The following TRIM2 variants were observed in gnomAD, a reference collection of about 807,000 sequenced individuals.
TRIM2 encodes tripartite motif-containing protein 2.
Under a neutral mutation model 75.2 loss-of-function variants are expected in TRIM2, and 20 were observed. The observed-to-expected ratio is 0.27, with a 90% confidence interval of 0.19 to 0.39. The LOEUF is 0.39. Ranked by LOEUF, TRIM2 falls within the 10% of genes least tolerant of loss-of-function variation. The pLI is 1.00. For synonymous variants in TRIM2, 373 were observed against 388.3 expected (o/e 0.96, Z 0.46); for missense variants, 660 against 990.8 (o/e 0.67, Z 4.48).
intron 2 of TRIM2, among the ~76,000 whole-genome samples, chr4:153,272,966 G>C (rs1188640371): frequency 1.3e-5 from 2 of 152,140 alleles, no homozygotes; most frequent in East Asian, 3.9e-4. Flanking sequence ...AGCCTCCCGA[G>C]TAGCTGGGAC....
chr4:153,164,655 C>G (rs1730105674), intron 1 of TRIM2, among the ~76,000 whole-genome samples: 1 of 152,192 alleles, frequency 6.6e-6, no homozygotes, highest in South Asian at 2.1e-4. Flanking sequence ...TCTCCCATAT[C>G]CTTCCTGAAA....
intron 1 of TRIM2, among the ~76,000 whole-genome samples, chr4:153,170,013 C>T (rs573976184): frequency 1.3e-5 from 2 of 152,150 alleles, no homozygotes; most frequent in East Asian, 3.8e-4. Flanking sequence ...GTATTCATGG[C>T]GCCTGCAGCT....
chr4:153,189,064 T>C (rs1732914118), intron 1 of TRIM2, among the ~76,000 whole-genome samples: 1 of 151,846 alleles, frequency 6.6e-6, no homozygotes, highest in South Asian at 2.1e-4. Flanking sequence ...TTGTCCAGAC[T>C]GTTCTCGAAC....
chr4:153,244,349 T>TTCTTCC (rs1560874188), intron 1 of TRIM2, among the ~76,000 whole-genome samples: 3 of 30,476 alleles, frequency 9.8e-5, no homozygotes, highest in Non-Finnish European at 1.6e-4. Context: ...CTTCTTCTTC[T>TTCTTCC]TCTTCCTCTT....
intron 1 of TRIM2, among the ~76,000 whole-genome samples, chr4:153,218,532 G>A (rs1391185696): frequency 6.6e-6 from 1 of 152,076 alleles, no homozygotes; most frequent in African/African-American, 2.4e-5. Flanking sequence ...ATACTTTTAT[G>A]GGTTTTCCAA....
rs1772648808 is a variant in TRIM2, at chr4:153,337,999, A to C, written c.*3033A>C. On this transcript the variant is annotated 3_prime_UTR_variant, in exon 12 of 12. Coordinates refer to ENST00000338700, the MANE Select transcript of TRIM2 (RefSeq NM_015271.5). ...TTTATGACTGTTTGCCATTTTTTTT[A>C]ATGGTACTTAGTATTTTGATCAAAC... 1.0e-6 allele frequency: 1 copy of C among 985,678 alleles called. No individual in the cohort carries two copies. The highest frequency in any genetic ancestry group is 1.1e-4 in the East Asian group (1 of 8,834). The allele number at this position is 985,678 out of a possible 1,614,324, so 61.1% of individuals were successfully genotyped here. A position where few individuals can be genotyped will look rare whatever the true frequency, so the allele number is the denominator to read the frequency against.
chr4:153,308,740 A>T (rs532943133), intron 6 of TRIM2: 3 of 542,540 alleles, frequency 5.5e-6, no homozygotes, highest in Non-Finnish European at 1.1e-5. Context: ...GAGCTTGCAC[A>T]GGATTTCATG....
intron 8 of TRIM2, among the ~76,000 whole-genome samples, chr4:153,316,835 G>T (rs987246527): frequency 1.4e-5 from 2 of 143,184 alleles, no homozygotes; most frequent in Admixed American, 1.4e-4. Context: ...TGTGAGACAC[G>T]TCGTCAAAGA....
At chr4:153,291,368 A>G (rs1761811954) in intron 3 of TRIM2, among the ~76,000 whole-genome samples, 1 of 152,130 alleles carries the variant, frequency 6.6e-6, no homozygotes. Flanking sequence ...TTATTCATTC[A>G]GTAGTGTTAT....
At chr4:153,175,870 C>T (rs1446940616) in intron 1 of TRIM2, among the ~76,000 whole-genome samples, 9 of 152,034 alleles carry the variant, frequency 5.9e-5, no homozygotes, top group East Asian at 1.9e-4. Context: ...TTAGGAAATA[C>T]ACATTAAGGT....
intron 1 of TRIM2, among the ~76,000 whole-genome samples, chr4:153,231,129 A>G (rs182951181): frequency 4.6e-5 from 7 of 152,316 alleles, no homozygotes; most frequent in Admixed American, 4.6e-4. Context: ...GGATACAAGA[A>G]TTGTGGGAAG....
intron 5 of TRIM2, 23 bp downstream of exon 5, chr4:153,294,508 T>A (rs760795091): frequency 1.9e-6 from 3 of 1,608,004 alleles, no homozygotes; most frequent in Non-Finnish European, 2.6e-6. Context: ...TCATTACAGA[T>A]GTCCTGGAAG....
chr4:153,311,894 TTTTATTTATTTATTTA>T (rs112254741), intron 6 of TRIM2, among the ~76,000 whole-genome samples: 2 of 144,298 alleles, frequency 1.4e-5, no homozygotes, highest in East Asian at 3.9e-4. Flanking sequence ...GTTTTTATTC[TTTTATTTATTTATTTA>T]TTTATTTATT....
chr4:153,333,794 G>A (rs1162372239), intron 11 of TRIM2, among the ~76,000 whole-genome samples: 2 of 152,012 alleles, frequency 1.3e-5, no homozygotes, highest in Non-Finnish European at 2.9e-5. Flanking sequence ...ACATTATATA[G>A]CATGCTCTAG....
At chr4:153,247,301 G>A (rs1339393477) in intron 1 of TRIM2, among the ~76,000 whole-genome samples, 1 of 152,206 alleles carries the variant, frequency 6.6e-6, no homozygotes, top group Non-Finnish European at 1.5e-5. Flanking sequence ...CAGCCTCTCA[G>A]CTGTGTCAAA....
chr4:153,285,136 A>T (rs184959311), intron 3 of TRIM2, among the ~76,000 whole-genome samples: 1 of 152,270 alleles, frequency 6.6e-6, no homozygotes, highest in Admixed American at 6.5e-5. Flanking sequence ...GAAGGGTTAA[A>T]TTTCATTCTT....
chr4:153,294,536 G>A (rs766180196), intron 5 of TRIM2, 51 bp downstream of exon 5: 14 of 1,577,134 alleles, frequency 8.9e-6, no homozygotes, highest in Non-Finnish European at 1.2e-5. Context: ...ATATCCAAGG[G>A]CACTAGCTTA....
intron 2 of TRIM2, among the ~76,000 whole-genome samples, chr4:153,274,957 C>A (rs553276819): frequency 6.6e-6 from 1 of 152,306 alleles, no homozygotes; most frequent in South Asian, 2.1e-4. Context: ...CAGGTCTATT[C>A]ATCTGCAAAA....
chr4:153,245,419 G>C (rs1748873228), intron 1 of TRIM2, among the ~76,000 whole-genome samples: 1 of 152,262 alleles, frequency 6.6e-6, no homozygotes, highest in Admixed American at 6.5e-5. Context: ...ATCTACTAAA[G>C]GTGTGTCAGC....
Sources: allele counts gnomAD v4.1 joint callset (sites outside exome capture counted in the v4.1 genomes callset), GRCh38; gene constraint gnomAD v4.1.1; transcripts MANE v1.5; gene names NCBI Gene and HGNC (gene_info 2026-07-23, HGNC 2026-07-21).